ATRNL1: variants seen among roughly 807,000 people sequenced by gnomAD.
The protein encoded by ATRNL1 is attractin-like protein 1.
ATRNL1 carries 95 observed loss-of-function variants against 182.7 expected under a neutral mutation model. That is an observed-to-expected ratio of 0.52 (90% CI 0.44 to 0.62). The LOEUF is 0.62. Ranked by LOEUF, ATRNL1 falls within the 20% of genes least tolerant of loss-of-function variation. The probability of loss-of-function intolerance (pLI) is 0.00; values close to 1 mark genes in which losing one functional copy is unlikely to be tolerated. For missense variants in ATRNL1, 1,471 were observed against 1,679.5 expected (o/e 0.88, Z 2.17); for synonymous variants, 576 against 568.3 (o/e 1.01, Z -0.19).
chr10:115,231,464 G>C (rs1330161160), intron 9 of ATRNL1, among the ~76,000 whole-genome samples: 5 of 152,092 alleles, frequency 3.3e-5, no homozygotes, highest in Non-Finnish European at 7.4e-5. Flanking sequence ...CTTTTTTGAG[G>C]AGTTATAAGG....
chr10:115,196,274 G>A lies in ATRNL1; in HGVS notation c.1349-19423G>A, dbSNP rs573399551. Among the ~76,000 whole-genome samples the A allele has an allele frequency of 8.5e-5, 13 of 152,188 alleles. No individual in the cohort carries two copies. The South Asian group carries it at 2.1e-3, about 24-fold the overall frequency. On this transcript the variant is annotated intron_variant, in intron 8 of 28. Coordinates refer to ENST00000355044, the MANE Select transcript of ATRNL1 (RefSeq NM_207303.4). ...TCAATTGGCCATATATGTGTGAGCCGATTTTTGTACTCTATTCTGGTCCAT... is the reference window on the plus strand; with the variant it reads ...TCAATTGGCCATATATGTGTGAGCCAATTTTTGTACTCTATTCTGGTCCAT...
intron 13 of ATRNL1, among the ~76,000 whole-genome samples, chr10:115,277,825 C>T (rs1406985051): frequency 2.0e-5 from 3 of 151,974 alleles, no homozygotes; most frequent in Non-Finnish European, 2.9e-5. Context: ...AACTTTTAAT[C>T]TCTCAATGCC....
intron 19 of ATRNL1, among the ~76,000 whole-genome samples, chr10:115,361,550 A>T (rs1856748859): frequency 6.6e-6 from 1 of 152,088 alleles, no homozygotes; most frequent in Non-Finnish European, 1.5e-5. Context: ...ATGTATTTTC[A>T]TACATATGCA....
chr10:115,162,079 T>C (rs1380723372), intron 6 of ATRNL1, among the ~76,000 whole-genome samples: 1 of 152,026 alleles, frequency 6.6e-6, no homozygotes. Context: ...GCTTGTTTCT[T>C]GGGATATATC....
At chr10:115,930,760 A>C (rs567524460) in intron 28 of ATRNL1, among the ~76,000 whole-genome samples, 1 of 152,280 alleles carries the variant, frequency 6.6e-6, no homozygotes, top group Admixed American at 6.5e-5. Context: ...TTATGAGTTA[A>C]TGTGTTTTTG....
intron 18 of ATRNL1, among the ~76,000 whole-genome samples, chr10:115,321,192 C>T (rs989844664): frequency 6.6e-6 from 1 of 152,038 alleles, no homozygotes; most frequent in Non-Finnish European, 1.5e-5. Flanking sequence ...ACTTCAGCCC[C>T]TATTCATCTG....
chr10:115,890,101 T>C (rs954507388), intron 28 of ATRNL1, among the ~76,000 whole-genome samples: 1 of 152,188 alleles, frequency 6.6e-6, no homozygotes, highest in Non-Finnish European at 1.5e-5. Flanking sequence ...TGCTTAGTTT[T>C]ATGTACAGTA....
chr10:115,634,551 T>A (rs1306169618), intron 26 of ATRNL1, among the ~76,000 whole-genome samples: 1 of 152,190 alleles, frequency 6.6e-6, no homozygotes, highest in Admixed American at 6.5e-5. Flanking sequence ...AATGGAGTTA[T>A]ATCCCATATA....
chr10:115,597,280 A>G (rs1164260310), intron 26 of ATRNL1, among the ~76,000 whole-genome samples: 2 of 152,172 alleles, frequency 1.3e-5, no homozygotes, highest in South Asian at 4.1e-4. Context: ...TAAATTTAAA[A>G]ACTAGTTCAA....
chr10:115,918,114 T>C (rs1952930169), intron 28 of ATRNL1, among the ~76,000 whole-genome samples: 1 of 132,080 alleles, frequency 7.6e-6, no homozygotes, highest in East Asian at 2.2e-4. Flanking sequence ...TTTTTTTTTT[T>C]TTTTTAAGAC....
chr10:115,833,788 C>T (rs1555094525), intron 27 of ATRNL1, among the ~76,000 whole-genome samples: 1 of 152,124 alleles, frequency 6.6e-6, no homozygotes, highest in African/African-American at 2.4e-5. Context: ...CACATGTTTA[C>T]CCTCTATCCA....
At chr10:115,343,405 A>G (rs1239670475) in intron 19 of ATRNL1, among the ~76,000 whole-genome samples, 3 of 152,038 alleles carry the variant, frequency 2.0e-5, no homozygotes, top group Admixed American at 6.6e-5. Context: ...TAATTCTGCT[A>G]TTAAAAGACT....
chr10:115,652,919 G>A (rs963423426), intron 26 of ATRNL1, among the ~76,000 whole-genome samples: 13 of 152,028 alleles, frequency 8.6e-5, no homozygotes, highest in Non-Finnish European at 1.9e-4. Context: ...AAAAAGGAAA[G>A]TTTATTACTA....
At chr10:115,897,409 G>A (rs1380643162) in intron 28 of ATRNL1, among the ~76,000 whole-genome samples, 1 of 152,174 alleles carries the variant, frequency 6.6e-6, no homozygotes, top group African/African-American at 2.4e-5. Context: ...AAAGATATTT[G>A]AAGAAGTATT....
intron 28 of ATRNL1, among the ~76,000 whole-genome samples, chr10:115,919,590 T>A (rs1952983168): frequency 6.6e-6 from 1 of 152,158 alleles, no homozygotes; most frequent in Admixed American, 6.5e-5. Context: ...ATAGATGCCA[T>A]ACTGAATGTG....
chr10:115,877,444 T>C (rs954293112), intron 28 of ATRNL1, among the ~76,000 whole-genome samples: 12 of 152,056 alleles, frequency 7.9e-5, no homozygotes, highest in Non-Finnish European at 1.8e-4. Context: ...TACTAAAACC[T>C]CTCCTTAGCA....
chr10:115,841,830 A>G (rs1367051629), intron 27 of ATRNL1, among the ~76,000 whole-genome samples: 1 of 152,084 alleles, frequency 6.6e-6, no homozygotes, highest in Non-Finnish European at 1.5e-5. Flanking sequence ...GAAATCTGGA[A>G]TCTTAGTATT....
intron 27 of ATRNL1, among the ~76,000 whole-genome samples, chr10:115,838,745 T>C (rs2134331568): frequency 6.6e-6 from 1 of 152,232 alleles, no homozygotes; most frequent in South Asian, 2.1e-4. Flanking sequence ...TAATATAGAC[T>C]TGTTGAGAAG....
intron 26 of ATRNL1, among the ~76,000 whole-genome samples, chr10:115,642,548 A>C (rs1859323451): frequency 6.6e-6 from 1 of 151,884 alleles, no homozygotes; most frequent in Admixed American, 6.6e-5. Context: ...GGTTCAAGCA[A>C]TTCTCCTGCC....
Sources: gnomAD v4.1 joint callset for allele counts (sites outside exome capture counted in the v4.1 genomes callset) on GRCh38, gnomAD v4.1.1 for gene constraint, MANE v1.5 for transcripts, NCBI Gene and HGNC (gene_info 2026-07-23, HGNC 2026-07-21) for gene names.